The following TSPAN18 variants were observed in gnomAD, a reference collection of about 807,000 sequenced individuals.
TSPAN18 encodes the protein tetraspanin-18.
TSPAN18 carries 14 observed loss-of-function variants against 27.3 expected under a neutral mutation model. That is an observed-to-expected ratio of 0.51 (90% confidence interval 0.34 to 0.80). The LOEUF (loss-of-function observed/expected upper bound fraction) is 0.80, where lower values mean the gene tolerates loss of function less well. Ranked by LOEUF, TSPAN18 falls within the 30% of genes least tolerant of loss-of-function variation. The pLI, the probability that TSPAN18 is intolerant of heterozygous loss-of-function variation, is 0.01. For missense variants in TSPAN18, 268 were observed against 323.9 expected (o/e 0.83, Z 1.32); for synonymous variants, 143 against 136.5 (o/e 1.05, Z -0.33).
rs75939585 is a variant in TSPAN18 at position 44,851,622 on chromosome 11, C to A, written c.-152-8706C>A. ...CCAGGTACTCTTGTCACCTCCCCCC[C>A]CCAACGGCTGGGTCCCTGTCTACCT... On this transcript the variant is annotated intron_variant, in intron 2 of 9. Transcript: ENST00000520358. 2.6e-3 allele frequency among the ~76,000 whole-genome samples: 390 copies of A among 148,442 alleles called. 15 individuals are homozygous for A. The highest frequency in any genetic ancestry group is 7.9e-3 in the African/African-American group (321 of 40,590).
chr11:44,759,526 C>G (rs552766067), intron 1 of TSPAN18, among the ~76,000 whole-genome samples: 1 of 152,212 alleles, frequency 6.6e-6, no homozygotes, highest in Admixed American at 6.5e-5. Context: ...TTCCCACATT[C>G]ATTTAACTCA....
intron 1 of TSPAN18, among the ~76,000 whole-genome samples, chr11:44,751,419 G>GCTTGTA: frequency 6.6e-6 from 1 of 152,226 alleles, no homozygotes; most frequent in East Asian, 1.9e-4. Flanking sequence ...AACTGCTTGT[G>GCTTGTA]CTTGTAGAAT....
intron 2 of TSPAN18, among the ~76,000 whole-genome samples, chr11:44,799,060 T>A (rs1856416184): frequency 1.3e-5 from 1 of 75,210 alleles, no homozygotes; most frequent in African/African-American, 5.2e-5. Context: ...CTCCTCACCC[T>A]TGCCCTCCCT....
intron 3 of TSPAN18, among the ~76,000 whole-genome samples, chr11:44,904,253 T>A (rs1859374210): frequency 6.6e-6 from 1 of 152,226 alleles, no homozygotes; most frequent in Admixed American, 6.5e-5. Context: ...CTTCCCCTCC[T>A]GACTTTGATG....
intron 2 of TSPAN18, among the ~76,000 whole-genome samples, chr11:44,809,055 T>TCA (rs1856661690): frequency 6.6e-6 from 1 of 152,302 alleles, no homozygotes; most frequent in South Asian, 2.1e-4. Context: ...TTATTAATCT[T>TCA]CACACACTGT....
At chr11:44,847,655 G>T (rs1857512291) in intron 2 of TSPAN18, among the ~76,000 whole-genome samples, 1 of 151,860 alleles carries the variant, frequency 6.6e-6, no homozygotes, top group African/African-American at 2.4e-5. Context: ...ACTTGGGAAT[G>T]GTTGCTGGGT....
intron 2 of TSPAN18, among the ~76,000 whole-genome samples, chr11:44,787,380 C>T (rs1306092136): frequency 6.6e-6 from 1 of 152,222 alleles, no homozygotes; most frequent in Non-Finnish European, 1.5e-5. Context: ...AGAACCTGAA[C>T]TTATCCCATC....
At chr11:44,904,938 A>T (rs569455911) in intron 3 of TSPAN18, among the ~76,000 whole-genome samples, 1 of 152,100 alleles carries the variant, frequency 6.6e-6, no homozygotes, top group Non-Finnish European at 1.5e-5. Context: ...TGATGGAAGG[A>T]TGTGTGGTCA....
chr11:44,780,552 CCTT>C (rs1389645881), intron 2 of TSPAN18, among the ~76,000 whole-genome samples: 4 of 152,218 alleles, frequency 2.6e-5, no homozygotes, highest in African/African-American at 7.2e-5. Context: ...ACAAAGCTTC[CCTT>C]CTTCTTACAG....
intron 1 of TSPAN18, among the ~76,000 whole-genome samples, chr11:44,752,413 A>C (rs1459235009): frequency 6.6e-6 from 1 of 151,580 alleles, no homozygotes; most frequent in Non-Finnish European, 1.5e-5. Flanking sequence ...ACAGGGTCTC[A>C]CTCTGTTGCC....
At chr11:44,901,531 C>T (rs926250213) in intron 3 of TSPAN18, among the ~76,000 whole-genome samples, 8 of 152,334 alleles carry the variant, frequency 5.3e-5, no homozygotes, top group Admixed American at 5.2e-4. Flanking sequence ...GCTCTGCCTC[C>T]AAAGGCCCAT....
At chr11:44,862,822 T>C (rs115974259) in intron 3 of TSPAN18, among the ~76,000 whole-genome samples, 137 of 152,314 alleles carry the variant, frequency 9.0e-4, no homozygotes, top group African/African-American at 3.0e-3. Context: ...GCAGCAGAAA[T>C]AGCAGAATGA....
At chr11:44,885,497 C>T (rs1240783639) in intron 3 of TSPAN18, among the ~76,000 whole-genome samples, 1 of 152,008 alleles carries the variant, frequency 6.6e-6, no homozygotes, top group African/African-American at 2.4e-5. Context: ...GACCGGTCCT[C>T]TGTGGAAGGA....
chr11:44,855,652 T>G (rs1244944221), intron 2 of TSPAN18, among the ~76,000 whole-genome samples: 1 of 151,956 alleles, frequency 6.6e-6, no homozygotes, highest in East Asian at 1.9e-4. Context: ...AGCTGACACC[T>G]CAAATTAACC....
chr11:44,735,701 C>G (rs958076859), intron 1 of TSPAN18, among the ~76,000 whole-genome samples: 14 of 152,082 alleles, frequency 9.2e-5, no homozygotes, highest in African/African-American at 3.1e-4. Context: ...ACTGCAAGCT[C>G]CGCCTCCTGG....
chr11:44,810,915 C>G (rs904746994), intron 2 of TSPAN18, among the ~76,000 whole-genome samples: 10 of 152,048 alleles, frequency 6.6e-5, no homozygotes, highest in African/African-American at 2.4e-4. Context: ...AACCTGTTTT[C>G]AATTCTTTTG....
chr11:44,727,524 G>T (rs1485131802), intron 1 of TSPAN18, among the ~76,000 whole-genome samples: 1 of 152,232 alleles, frequency 6.6e-6, no homozygotes, highest in African/African-American at 2.4e-5. Flanking sequence ...GAGGGCCGGG[G>T]GCTGCGCCCA....
At chr11:44,834,002 G>C (rs1023504789) in intron 2 of TSPAN18, among the ~76,000 whole-genome samples, 1 of 151,150 alleles carries the variant, frequency 6.6e-6, no homozygotes. Flanking sequence ...TTATAATGGC[G>C]GCTTCCTAGA....
At chr11:44,747,358 G>T (rs1855104295) in intron 1 of TSPAN18, among the ~76,000 whole-genome samples, 1 of 152,206 alleles carries the variant, frequency 6.6e-6, no homozygotes, top group Non-Finnish European at 1.5e-5. Flanking sequence ...TATCCCTTGG[G>T]CAGGGAGATG....
Sources: allele counts gnomAD v4.1 joint callset (sites outside exome capture counted in the v4.1 genomes callset), GRCh38; gene constraint gnomAD v4.1.1; transcripts MANE v1.5; gene names NCBI Gene and HGNC (gene_info 2026-07-23, HGNC 2026-07-21).